The following TALDO1 variants were observed in gnomAD, a reference collection of about 807,000 sequenced individuals.
TALDO1 encodes transaldolase 1, also known as transaldolase.
Under a neutral mutation model 38.1 loss-of-function variants are expected in TALDO1, and 29 were observed. That is an observed-to-expected ratio of 0.76 (90% CI 0.57 to 1.04). The LOEUF is 1.04. Ranked by LOEUF, TALDO1 falls within the 50% of genes least tolerant of loss-of-function variation. The pLI, the probability that TALDO1 is intolerant of heterozygous loss-of-function variation, is 0.00. For synonymous variants in TALDO1, 207 were observed against 176.8 expected (o/e 1.17, Z -1.36); for missense variants, 499 against 438.1 (o/e 1.14, Z -1.24).
intron 1 of TALDO1, among the ~76,000 whole-genome samples, chr11:749,909 T>C (rs1200829409): frequency 6.6e-6 from 1 of 152,152 alleles, no homozygotes; most frequent in Non-Finnish European, 1.5e-5. Context: ...GAAATGGGTA[T>C]AGATGCACAG....
Position 757,291 on chromosome 11 carries a change from T to A in TALDO1, c.221+1289T>A, listed in dbSNP as rs942108363. Among the ~76,000 whole-genome samples the A allele has an allele frequency of 3.4e-3, 281 of 81,910 alleles. 2 individuals carry two copies. Among genetic ancestry groups the A allele is most frequent in the Middle Eastern group, 4.5e-3 (1 of 220 alleles). 53.7% of individuals were successfully genotyped at this position (81,910 alleles called of 152,430 possible). On this transcript the variant is annotated intron_variant, in intron 2 of 7. Coordinates refer to ENST00000319006, the MANE Select transcript of TALDO1 (RefSeq NM_006755.2). Reference sequence around the variant, plus strand: ...CACCCATGTCCAGATGGCCCCAAATTTTTTTTTTTTTTTTTTTTTGAGATA... The same window carrying A: ...CACCCATGTCCAGATGGCCCCAAATATTTTTTTTTTTTTTTTTTTGAGATA...
In TALDO1 at chr11:750,487, C is replaced by CA. The variant is rs758019370; in HGVS notation, c.97+2922dup. The stretch of plus-strand genomic sequence containing the variant: ...TAGGAGACAAAGTGAGACCCTGTCT[C>CA]AAAAAAAAAAAAAGATATTTATTTG... On this transcript the variant is annotated intron_variant, in intron 1 of 7. Coordinates refer to ENST00000319006, the MANE Select transcript of TALDO1 (RefSeq NM_006755.2). Among the ~76,000 whole-genome samples, 1,096 of 133,102 alleles carry CA rather than the reference C, an allele frequency of 8.2e-3. 6 individuals carry two copies. The highest frequency in any genetic ancestry group is 0.024 in the African/African-American group (877 of 36,182). 87.3% of individuals were successfully genotyped at this position (133,102 alleles called of 152,430 possible).
chr11:755,761 G>A lies in TALDO1; in HGVS notation c.98-118G>A, dbSNP rs577466775. ...GGTGTGAGAAGTGTGGCTGGACCCCGCTTTCGGAAATGCTCTGGACTCCCC... is the reference window on the plus strand; with the variant it reads ...GGTGTGAGAAGTGTGGCTGGACCCCACTTTCGGAAATGCTCTGGACTCCCC... On this transcript the variant is annotated intron_variant, in intron 1 of 7. Coordinates refer to ENST00000319006, the MANE Select transcript of TALDO1 (RefSeq NM_006755.2). The A allele has an allele frequency of 1.1e-5, 16 of 1,490,882 alleles. No individual in the cohort carries two copies. In the East Asian group the frequency reaches 2.5e-4, roughly 24 times the overall value. 92.4% of individuals were successfully genotyped at this position (1,490,882 alleles called of 1,614,324 possible).
At chr11:756,979 T>C (rs1862848459) in intron 2 of TALDO1, among the ~76,000 whole-genome samples, 1 of 152,220 alleles carries the variant, frequency 6.6e-6, no homozygotes, top group African/African-American at 2.4e-5. Flanking sequence ...AGGGTAATAA[T>C]TCAAAGCTTG....
Position 764,968 on chromosome 11 carries a change from T to C in TALDO1, c.*123T>C. ...GCAGGGACAGATCATAGATTTCTGATTTTATGTAAAATTTTGCCTAATACA... is the reference window on the plus strand; with the variant it reads ...GCAGGGACAGATCATAGATTTCTGACTTTATGTAAAATTTTGCCTAATACA... On this transcript the variant is annotated 3_prime_UTR_variant, in exon 8 of 8. Coordinates refer to ENST00000319006, the MANE Select transcript of TALDO1 (RefSeq NM_006755.2). 7.0e-7 allele frequency: 1 copy of C among 1,419,060 alleles called. No homozygotes were observed. Among genetic ancestry groups the C allele is most frequent in the Non-Finnish European group, 9.9e-7 (1 of 1,012,838 alleles). The allele number at this position is 1,419,060 out of a possible 1,614,324, so 87.9% of individuals were successfully genotyped here.
In TALDO1 at chr11:756,042, G is replaced by A. The variant is rs749318792; in HGVS notation, c.221+40G>A. 1.1e-5 allele frequency: 18 copies of A among 1,599,410 alleles called. No homozygotes were observed. The East Asian group carries it at 2.7e-4, about 24-fold the overall frequency. On this transcript the variant is annotated intron_variant, in intron 2 of 7. Coordinates refer to ENST00000319006, the MANE Select transcript of TALDO1 (RefSeq NM_006755.2). ...TCGGGAGGGTCCCAGCTAGGCCCTC[G>A]TGCTAGTCTAGTTGGCCTTGCTTCC...
intron 4 of TALDO1, among the ~76,000 whole-genome samples, chr11:761,124 A>G (rs1260433482): frequency 6.6e-6 from 1 of 152,040 alleles, no homozygotes; most frequent in Admixed American, 6.6e-5. Flanking sequence ...ACCTGAGGTC[A>G]GGAGTTCGAG....
At position 747,504 on chromosome 11, in the gene TALDO1, G is replaced by A. The variant is rs1234186123; in HGVS notation, c.23G>A (p.Arg8His). MSSSPVKRQRMESALDQL... is the reference protein window; with the variant it reads MSSSPVKHQRMESALDQL... The stretch of plus-strand genomic sequence containing the variant: ...GCTATGTCGAGCTCACCCGTGAAGC[G>A]TCAGAGGATGGAGTCCGCGCTGGAC... The change falls in exon 1 of 8, where the codon CGT (arginine) becomes CAT (histidine). Residue 8 changes from arginine to histidine, a missense_variant. Coordinates refer to ENST00000319006, the MANE Select transcript of TALDO1 (RefSeq NM_006755.2). 2 of 1,600,028 alleles carry A rather than the reference G, an allele frequency of 1.2e-6. No individual in the cohort carries two copies. The highest frequency in any genetic ancestry group is 2.3e-5 in the East Asian group (1 of 43,590).
chr11:759,962 GC>G (rs1405687800), intron 3 of TALDO1, among the ~76,000 whole-genome samples, 159 bp from the exon 4 acceptor site: 1 of 152,128 alleles, frequency 6.6e-6, no homozygotes. Context: ...TGCTGTCAGA[GC>G]CATTCTGCAA....
intron 4 of TALDO1, among the ~76,000 whole-genome samples, chr11:762,221 C>T (rs771079891): frequency 1.3e-5 from 2 of 152,190 alleles, no homozygotes; most frequent in African/African-American, 2.4e-5. Flanking sequence ...GCCTCGGCCT[C>T]CCAAAGTGTT....
Position 747,598 on chromosome 11 carries a change from C to T in TALDO1, c.97+20C>T. ...TCCACGGTGAGGACGGCGCGGAGCC[C>T]GGGCGCGGCGCAAGCGCCCTCCAGA... On this transcript the variant is annotated intron_variant, in intron 1 of 7. Transcript: ENST00000319006. 1.3e-6 allele frequency: 2 copies of T among 1,548,838 alleles called. No homozygotes were observed. Among genetic ancestry groups the T allele is most frequent in the Non-Finnish European group, 1.7e-6 (2 of 1,149,590 alleles).
chr11:747,859 G>T (rs1366262564), intron 1 of TALDO1, among the ~76,000 whole-genome samples: 1 of 152,194 alleles, frequency 6.6e-6, no homozygotes, highest in East Asian at 1.9e-4. Context: ...CAGCCGTGAG[G>T]AGCTGGGGTC....
intron 4 of TALDO1, chr11:760,538 G>C (rs1303133211): frequency 6.8e-6 from 3 of 439,078 alleles, no homozygotes; most frequent in East Asian, 9.6e-5. Flanking sequence ...TGCAGATTCA[G>C]ATTCTGTCCT....
chr11:757,175 C>T (rs1862851923), intron 2 of TALDO1, among the ~76,000 whole-genome samples: 1 of 152,112 alleles, frequency 6.6e-6, no homozygotes, highest in Non-Finnish European at 1.5e-5. Flanking sequence ...CGTGGTGTTG[C>T]ACCCCTGTGG....
chr11:762,433 C>A (rs935045746), intron 4 of TALDO1, among the ~76,000 whole-genome samples: 3 of 149,166 alleles, frequency 2.0e-5, no homozygotes, highest in Non-Finnish European at 4.5e-5. Context: ...CTGAACACAT[C>A]TGCTGCTATG....
chr11:749,401 CAAA>C (rs374829411), intron 1 of TALDO1, among the ~76,000 whole-genome samples: 5 of 110,844 alleles, frequency 4.5e-5, no homozygotes, highest in Non-Finnish European at 5.3e-5. Context: ...AACTCCGTCT[CAAA>C]AAAAAAAAAA....
chr11:747,546 C>A lies in TALDO1; in HGVS notation c.65C>A (p.Thr22Asn), dbSNP rs375159325. The change falls in exon 1 of 8, where the codon ACC (threonine) becomes AAC (asparagine). Residue 22 changes from threonine (T) to asparagine (N), a missense_variant. Transcript: ENST00000319006. ...ESALDQLKQF[T>N]TVVADTGDFH... Reference sequence around the variant, plus strand: ...GCGCTGGACCAGCTCAAGCAGTTCACCACCGTGGTGGCCGACACGGGCGAC... The same window carrying A: ...GCGCTGGACCAGCTCAAGCAGTTCAACACCGTGGTGGCCGACACGGGCGAC... The A allele has an allele frequency of 3.8e-6, 6 of 1,595,776 alleles. No individual in the cohort carries two copies. The highest frequency in any genetic ancestry group is 1.4e-5 in the African/African-American group (1 of 72,816).
At chr11:764,064 G>C (rs1863007234) in intron 6 of TALDO1, 120 bp downstream of exon 6, 1 of 1,380,042 alleles carries the variant, frequency 7.2e-7, no homozygotes. Flanking sequence ...AGACATGAGG[G>C]TGAAGTAGAC....
At chr11:755,391 G>A (rs113118912) in intron 1 of TALDO1, among the ~76,000 whole-genome samples, 74 of 152,060 alleles carry the variant, frequency 4.9e-4, no homozygotes, top group African/African-American at 1.7e-3. Flanking sequence ...TGATCCACCC[G>A]CTTCAGCCTC....
Sources: gnomAD v4.1 joint callset for allele counts (sites outside exome capture counted in the v4.1 genomes callset) on GRCh38, gnomAD v4.1.1 for gene constraint, MANE v1.5 for transcripts, NCBI Gene and HGNC (gene_info 2026-07-23, HGNC 2026-07-21) for gene names.